The following MEGF6 variants were observed in gnomAD, a reference collection of about 807,000 sequenced individuals.
MEGF6 encodes the protein multiple epidermal growth factor-like domains protein 6.
A neutral mutation model predicts 207.1 loss-of-function variants in MEGF6; 184 were observed. The ratio of observed to expected loss-of-function variants is 0.89; its 90% CI spans 0.79 to 1.00. The LOEUF is 1.00. Among genes scored for constraint, MEGF6 ranks in the 50% least tolerant of loss-of-function variants. The pLI, the probability that MEGF6 is intolerant of heterozygous loss-of-function variation, is 0.00. For synonymous variants in MEGF6, 1,038 were observed against 910.0 expected (o/e 1.14, Z -2.53); for missense variants, 2,282 against 2,202.9 (o/e 1.04, Z -0.72).
chr1:3,604,287 G>C (rs1277626539), intron 1 of MEGF6, among the ~76,000 whole-genome samples: 1 of 152,202 alleles, frequency 6.6e-6, no homozygotes, highest in East Asian at 1.9e-4. Flanking sequence ...ACCCGAGGTA[G>C]CGTTGATTCC....
rs572440861 is a variant in MEGF6, at chr1:3,542,447, C to A, written c.482-18201G>T. ...TTGCATGGACACCTGCCAGGGGTCC[C>A]CAGGCCTGGATGTAGGGTCCTGGCC... On this transcript the variant is annotated intron_variant, in intron 4 of 36. Transcript: ENST00000356575. Among the ~76,000 whole-genome samples the A allele has an allele frequency of 6.6e-5, 10 of 152,054 alleles. No individual in the cohort carries two copies. The East Asian group carries it at 2.0e-3, about 30-fold the overall frequency.
At chr1:3,508,014 A>T (rs909175396) in intron 13 of MEGF6, 91 bp from the exon 14 acceptor site, 3 of 1,433,772 alleles carry the variant, frequency 2.1e-6, no homozygotes, top group Admixed American at 2.3e-5. Context: ...GTTTAGAAGC[A>T]GTTGCCTAGA....
chr1:3,509,290 C>G lies in MEGF6; in HGVS notation c.1358-45G>C, dbSNP rs756098234. 3.2e-5 allele frequency: 44 copies of G among 1,387,170 alleles called. No homozygotes were observed. In the South Asian group the frequency reaches 7.0e-4, roughly 22 times the overall value. 85.9% of individuals were successfully genotyped at this position (1,387,170 alleles called of 1,614,324 possible). On this transcript the variant is annotated intron_variant, in intron 11 of 36. Transcript: ENST00000356575. ...GCCTTAGCCCCTGCCACCCACCTGC[C>G]TGCTCCAGCGACCCCCCGGCGGGTA...
Position 3,494,641 on chromosome 1 carries a change from C to T in MEGF6, c.3972G>A (p.Leu1324=). ...GCTCGCAGTGCCGCCCCGTCCAGCC[C>T]AGGCCACAGGAGCAGCTGCCGTTGC... The part of the protein sequence containing the change: ...HASNGSCSCG[L]GWTGRHCELA... The change falls in exon 31 of 37, where the codon CTG becomes CTA. Residue 1324 remains leucine, a synonymous_variant. Coordinates refer to ENST00000356575, the MANE Select transcript of MEGF6 (RefSeq NM_001409.4). 8 of 1,564,046 alleles carry T rather than the reference C, an allele frequency of 5.1e-6. No homozygotes were observed. Among genetic ancestry groups the T allele is most frequent in the Non-Finnish European group, 6.9e-6 (8 of 1,155,886 alleles).
the MEGF6 span, among the ~76,000 whole-genome samples, chr1:3,621,145 T>C: frequency 9.1e-4 from 138 of 152,292 alleles, no homozygotes; most frequent in African/African-American, 3.2e-3. Flanking sequence ...CAAGCCTGAC[T>C]AATGTCAGGC....
In MEGF6 at chr1:3,510,864, C is replaced by G; in HGVS notation, c.1153G>C (p.Val385Leu). ...TACCCGCCAGGGTTGTTGGTGCACA[C>G]CTGCTGGCAGCACGGGCTGTCTGCA... ...DCADSPCCQQ[V>L]CTNNPGGYEC... The change falls in exon 10 of 37, where the codon GTG (valine) becomes CTG (leucine). Residue 385 changes from valine (V) to leucine (L), a missense_variant. Transcript: ENST00000356575. 6.2e-7 allele frequency: 1 copy of G among 1,610,156 alleles called. No individual in the cohort carries two copies. Among genetic ancestry groups the G allele is most frequent in the Non-Finnish European group, 8.5e-7 (1 of 1,177,734 alleles).
intron 3 of MEGF6, among the ~76,000 whole-genome samples, chr1:3,586,382 C>T (rs1004666257): frequency 3.9e-5 from 6 of 152,122 alleles, no homozygotes; most frequent in East Asian, 1.9e-4. Flanking sequence ...GATGTGTGTG[C>T]GTATGCGTGT....
chr1:3,547,486 G>A (rs907057797), intron 4 of MEGF6, among the ~76,000 whole-genome samples: 2 of 152,160 alleles, frequency 1.3e-5, no homozygotes, highest in Non-Finnish European at 2.9e-5. Context: ...GTGTGTTCCG[G>A]TCAAGCGGTC....
chr1:3,551,189 G>T (rs550010779), intron 4 of MEGF6, among the ~76,000 whole-genome samples: 1 of 152,210 alleles, frequency 6.6e-6, no homozygotes, highest in African/African-American at 2.4e-5. Context: ...CAGAGGCTCC[G>T]CTTGGGGGTG....
intron 4 of MEGF6, among the ~76,000 whole-genome samples, chr1:3,571,371 C>A (rs1272861571): frequency 6.6e-6 from 1 of 152,112 alleles, no homozygotes; most frequent in Non-Finnish European, 1.5e-5. Context: ...GCACAGAGAG[C>A]AGGAAAACAC....
At chr1:3,507,705 G>A in intron 14 of MEGF6, 90 bp downstream of exon 14, 1 of 1,545,226 alleles carries the variant, frequency 6.5e-7, no homozygotes, top group Admixed American at 1.7e-5. Flanking sequence ...GTGGGAGGAA[G>A]GAGACAAGGA....
At chr1:3,590,099 C>A (rs1253340731) in intron 3 of MEGF6, among the ~76,000 whole-genome samples, 1 of 152,218 alleles carries the variant, frequency 6.6e-6, no homozygotes, top group Non-Finnish European at 1.5e-5. Context: ...GCCAGCACAG[C>A]CCGTATGAGG....
chr1:3,524,460 C>T (rs553045524), intron 4 of MEGF6, among the ~76,000 whole-genome samples: 15 of 152,306 alleles, frequency 9.8e-5, no homozygotes, highest in East Asian at 3.9e-4. Context: ...GAAGAGCCAC[C>T]GCCTCGAGGG....
rs1640233623 is a variant in MEGF6, at chr1:3,488,589, TAAG to T, written c.*1936_*1938del. 6.6e-6 allele frequency among the ~76,000 whole-genome samples: 1 copy of T among 152,244 alleles called. No homozygotes were observed. The highest frequency in any genetic ancestry group is 1.5e-5 in the Non-Finnish European group (1 of 68,042). On this transcript the variant is annotated 3_prime_UTR_variant, in exon 37 of 37. Coordinates refer to ENST00000356575, the MANE Select transcript of MEGF6 (RefSeq NM_001409.4). ...AAAAATGGCCGAGGCCTTGAAGGCC[TAAG>T]AATAACATGGACTTTGCATGCCTTT...
chr1:3,581,662 A>G (rs147503448), intron 3 of MEGF6, among the ~76,000 whole-genome samples: 184 of 152,260 alleles, frequency 1.2e-3, no homozygotes, highest in African/African-American at 4.2e-3. Flanking sequence ...TCTAGCCCCA[A>G]ATAGCCAAGA....
intron 2 of MEGF6, among the ~76,000 whole-genome samples, chr1:3,601,821 G>A (rs74048665): frequency 0.027 from 4,065 of 152,348 alleles, 167 homozygotes; most frequent in African/African-American, 0.089. Context: ...TGGACCCCAT[G>A]CCCAAGGGAG....
the MEGF6 span, among the ~76,000 whole-genome samples, chr1:3,618,093 G>A: frequency 6.6e-6 from 1 of 152,162 alleles, no homozygotes; most frequent in African/African-American, 2.4e-5. The surrounding 1 kb of genome is among the most constrained non-coding windows in gnomAD (Gnocchi z 4.7). Flanking sequence ...CTACACACAG[G>A]AATAGACAGA....
intron 4 of MEGF6, among the ~76,000 whole-genome samples, chr1:3,534,940 G>A (rs374922280): frequency 3.2e-4 from 48 of 152,196 alleles, no homozygotes; most frequent in African/African-American, 1.1e-3. Flanking sequence ...CAAATCCCGC[G>A]TCCATCCAGG....
chr1:3,496,514 C>A, intron 29 of MEGF6, 141 bp downstream of exon 29: 1 of 1,271,226 alleles, frequency 7.9e-7, no homozygotes, highest in Non-Finnish European at 1.1e-6. Flanking sequence ...TCTGGCTTAG[C>A]CCCACTTGGG....
Sources: allele counts gnomAD v4.1 joint callset (sites outside exome capture counted in the v4.1 genomes callset), GRCh38; gene constraint gnomAD v4.1.1; non-coding constraint Gnocchi (gnomAD v3.1); transcripts MANE v1.5; gene names NCBI Gene and HGNC (gene_info 2026-07-23, HGNC 2026-07-21).